Variants in VAMP7 observed in about 807,000 individuals in gnomAD.
The protein encoded by VAMP7 is vesicle-associated membrane protein 7.
VAMP7 carries 14 observed loss-of-function variants against 29.6 expected under a neutral mutation model. The observed-to-expected ratio is 0.47, with a 90% CI of 0.31 to 0.74. VAMP7 has a LOEUF of 0.74. Ranked by LOEUF, VAMP7 falls within the 30% of genes least tolerant of loss-of-function variation. The probability of loss-of-function intolerance (pLI) is 0.05; values close to 1 mark genes in which losing one functional copy is unlikely to be tolerated. For missense variants in VAMP7, 223 were observed against 262.4 expected, an observed-to-expected ratio of 0.85 and a Z score of 1.04; for synonymous variants, 95 against 88.1, an observed-to-expected ratio of 1.08 and a Z score of -0.44.
At chrX:155,887,199 T>C (rs1486418070) in intron 1 of VAMP7, among the ~76,000 whole-genome samples, 1 of 152,164 alleles carries the variant, frequency 6.6e-6, no homozygotes, top group Non-Finnish European at 1.5e-5. Flanking sequence ...CCCTCAACTG[T>C]TGGTTGTGCT....
At chrX:155,918,834 T>G (rs184833480) in intron 5 of VAMP7, among the ~76,000 whole-genome samples, 397 of 152,332 alleles carry the variant, frequency 2.6e-3, no homozygotes, top group African/African-American at 9.1e-3. Flanking sequence ...TCTATTAAGG[T>G]GATCATGTGG....
chrX:155,907,413 C>T (rs1208031639), intron 5 of VAMP7, among the ~76,000 whole-genome samples: 12 of 151,920 alleles, frequency 7.9e-5, no homozygotes, highest in Non-Finnish European at 1.5e-5. Context: ...AGGCAGAGGA[C>T]CCTGCGGCCT....
chrX:155,926,111 G>C (rs185037121), intron 6 of VAMP7, among the ~76,000 whole-genome samples: 192 of 152,144 alleles, frequency 1.3e-3, no homozygotes, highest in Middle Eastern at 0.01. Flanking sequence ...TAATTCTTAC[G>C]GGCCCTAGAT....
chrX:155,935,085 G>A (rs1421202002), intron 6 of VAMP7, among the ~76,000 whole-genome samples: 8 of 152,170 alleles, frequency 5.3e-5, no homozygotes, highest in African/African-American at 1.9e-4. Flanking sequence ...TAGTCTGATG[G>A]GCTTCCCTTT....
chrX:155,930,040 A>C (rs1400505269), intron 6 of VAMP7, among the ~76,000 whole-genome samples: 1 of 152,216 alleles, frequency 6.6e-6, no homozygotes, highest in Admixed American at 6.5e-5. Context: ...GAAGATACCA[A>C]ATGTAGAGCT....
At chrX:155,911,916 G>A (rs762138717) in intron 5 of VAMP7, among the ~76,000 whole-genome samples, 1 of 152,014 alleles carries the variant, frequency 6.6e-6, no homozygotes, top group South Asian at 2.1e-4. Flanking sequence ...GGGATAATTT[G>A]ACATCCTCTT....
chrX:155,929,985 A>T (rs2066524861), intron 6 of VAMP7, among the ~76,000 whole-genome samples: 1 of 152,214 alleles, frequency 6.6e-6, no homozygotes, highest in Non-Finnish European at 1.5e-5. Context: ...CAAATTATAC[A>T]TAGTAAGACC....
chrX:155,908,514 C>CAGAGGGAGACCGTGGAAAG (rs1445566898), intron 5 of VAMP7, among the ~76,000 whole-genome samples: 4 of 151,834 alleles, frequency 2.6e-5, no homozygotes, highest in Non-Finnish European at 5.9e-5. Flanking sequence ...GGCTGGGCAT[C>CAGAGGGAGACCGTGGAAAG]AGAGGGAGAC....
In VAMP7 at chrX:155,931,080, C is replaced by T. The variant is rs748050516; in HGVS notation, c.502-8621C>T. Among the ~76,000 whole-genome samples the T allele has an allele frequency of 2.5e-3, 387 of 152,178 alleles. 1 individual carries two copies. The highest frequency in any genetic ancestry group is 3.8e-3 in the Non-Finnish European group (261 of 68,020). ...GCTGCGTAGTATTTCATAGTGTATA[C>T]GTGCCACATTTTCTGAATCCAGTCT... On this transcript the variant is annotated intron_variant, in intron 6 of 7. Transcript: ENST00000286448.
chrX:155,930,489 CAAA>C lies in VAMP7; in HGVS notation c.502-9198_502-9196del, dbSNP rs35835800. Among the ~76,000 whole-genome samples, 240 of 145,084 alleles carry C rather than the reference CAAA, an allele frequency of 1.7e-3. 1 individual carries two copies. The highest frequency in any genetic ancestry group is 5.4e-3 in the African/African-American group (215 of 39,770). ...GAGACCTTATCTCTACAAAACCAAA[CAAA>C]AAAAAAAAAAAAATAGGTGTGATTG... On this transcript the variant is annotated intron_variant, in intron 6 of 7. Transcript: ENST00000286448.
chrX:155,929,737 A>G (rs1313215610), intron 6 of VAMP7, among the ~76,000 whole-genome samples: 1 of 152,170 alleles, frequency 6.6e-6, no homozygotes, highest in Non-Finnish European at 1.5e-5. Context: ...GTGAGGTCTC[A>G]AGGCCAAATT....
intron 3 of VAMP7, among the ~76,000 whole-genome samples, chrX:155,896,869 GTTTTC>G (rs945358427): frequency 4.0e-5 from 6 of 151,726 alleles, no homozygotes; most frequent in African/African-American, 1.5e-4. Context: ...GAATGTTTTT[GTTTTC>G]TTTTTTTAAT....
chrX:155,887,227 CA>C (rs1436724488), intron 1 of VAMP7, among the ~76,000 whole-genome samples: 1 of 151,972 alleles, frequency 6.6e-6, no homozygotes, highest in African/African-American at 2.4e-5. Context: ...TTATCTTTGG[CA>C]CTATTTTTTT....
At chrX:155,932,013 G>A (rs768163437) in intron 6 of VAMP7, among the ~76,000 whole-genome samples, 1 of 152,098 alleles carries the variant, frequency 6.6e-6, no homozygotes, top group Non-Finnish European at 1.5e-5. Context: ...AGATGACATG[G>A]TTGTAGATGT....
intron 6 of VAMP7, among the ~76,000 whole-genome samples, chrX:155,925,070 G>C (rs2124364500): frequency 6.6e-6 from 1 of 152,198 alleles, no homozygotes; most frequent in African/African-American, 2.4e-5. Flanking sequence ...ATGTCTTCAG[G>C]CTCCAGTTCT....
chrX:155,929,103 A>G (rs2066511163), intron 6 of VAMP7, among the ~76,000 whole-genome samples: 1 of 152,128 alleles, frequency 6.6e-6, no homozygotes, highest in African/African-American at 2.4e-5. Context: ...TTTTCTCTCA[A>G]AATTCTCTGA....
chrX:155,884,128 A>G (rs1294853171), intron 1 of VAMP7, among the ~76,000 whole-genome samples: 2 of 151,374 alleles, frequency 1.3e-5, no homozygotes, highest in East Asian at 3.9e-4. Context: ...TTAAAATTAA[A>G]CTTTTTTTTT....
At chrX:155,941,205 T>A (rs1404093227) in intron 7 of VAMP7, among the ~76,000 whole-genome samples, 1 of 152,088 alleles carries the variant, frequency 6.6e-6, no homozygotes. Context: ...AACCTAATGT[T>A]TAAAATCTAT....
chrX:155,931,042 A>G (rs2066544974), intron 6 of VAMP7, among the ~76,000 whole-genome samples: 1 of 152,146 alleles, frequency 6.6e-6, no homozygotes, highest in African/African-American at 2.4e-5. Flanking sequence ...ACATGAACTC[A>G]TCCTTTTTTA....
Sources: allele counts gnomAD v4.1 joint callset (sites outside exome capture counted in the v4.1 genomes callset), GRCh38; gene constraint gnomAD v4.1.1; transcripts MANE v1.5; gene names NCBI Gene and HGNC (gene_info 2026-07-23, HGNC 2026-07-21).